The following DYM variants were observed in gnomAD, a reference collection of about 807,000 sequenced individuals.
DYM encodes the protein dyggve-Melchior-Clausen syndrome protein.
DYM carries 78 observed loss-of-function variants against 93.1 expected under a neutral mutation model. The observed-to-expected ratio is 0.84, with a 90% CI of 0.70 to 1.01. The LOEUF (loss-of-function observed/expected upper bound fraction) is 1.01, where lower values mean the gene tolerates loss of function less well. Among genes scored for constraint, DYM ranks in the 50% least tolerant of loss-of-function variants. The pLI is 0.00. For synonymous variants in DYM, 321 were observed against 319.7 expected (o/e 1.00, Z -0.04); for missense variants, 789 against 845.0 (o/e 0.93, Z 0.82).
At chr18:49,145,175 A>G (rs2084986034) in intron 15 of DYM, among the ~76,000 whole-genome samples, 1 of 137,604 alleles carries the variant, frequency 7.3e-6, no homozygotes, top group Non-Finnish European at 1.6e-5. Context: ...CCCCAATGGG[A>G]AAACAAAATT....
At chr18:49,267,485 A>C (rs75101885) in intron 11 of DYM, among the ~76,000 whole-genome samples, 1,529 of 152,340 alleles carry the variant, frequency 0.01, 40 homozygotes, top group South Asian at 0.075. Context: ...CAGAATAAAA[A>C]ATTCTTACAT....
chr18:49,130,434 C>G (rs530962888), intron 15 of DYM, among the ~76,000 whole-genome samples: 29 of 152,194 alleles, frequency 1.9e-4, no homozygotes, highest in Non-Finnish European at 3.5e-4. Context: ...AGCACAATGT[C>G]CGGCATTCAG....
intron 11 of DYM, among the ~76,000 whole-genome samples, chr18:49,270,301 T>C (rs1327345958): frequency 6.6e-6 from 1 of 152,196 alleles, no homozygotes; most frequent in African/African-American, 2.4e-5. Flanking sequence ...TAGGTAAACC[T>C]AGAGGAGATT....
rs551817418 is a variant in DYM, at chr18:49,081,105, G to A, written c.2025+16297C>T. Among the ~76,000 whole-genome samples, 194 of 151,090 alleles carry A rather than the reference G, an allele frequency of 1.3e-3. 1 individual carries two copies. The highest frequency in any genetic ancestry group is 4.4e-3 in the African/African-American group (181 of 41,168). Reference sequence around the variant, plus strand: ...CTCCTCACTTCCCAGACGGGGTGGCGGCCGGGCAGAGGCTGCAATCTCGGC... The same window carrying A: ...CTCCTCACTTCCCAGACGGGGTGGCAGCCGGGCAGAGGCTGCAATCTCGGC... On this transcript the variant is annotated intron_variant, in intron 17 of 17. Coordinates refer to ENST00000675505, the MANE Select transcript of DYM (RefSeq NM_001353214.3).
chr18:49,306,218 A>C (rs898719131), intron 8 of DYM, among the ~76,000 whole-genome samples: 4 of 152,354 alleles, frequency 2.6e-5, no homozygotes, highest in Middle Eastern at 3.4e-3. Flanking sequence ...AGAAAGGTGA[A>C]TAGCAGAGAC....
chr18:49,111,366 C>G (rs1432696953), intron 16 of DYM, among the ~76,000 whole-genome samples: 2 of 152,178 alleles, frequency 1.3e-5, no homozygotes, highest in Non-Finnish European at 2.9e-5. Context: ...GTTCCAACAT[C>G]TGAGTCATCA....
Position 49,081,073 on chromosome 18 carries a change from A to G in DYM, c.2025+16329T>C, listed in dbSNP as rs1012412372. ...CGTCCCAGACGATGGGCGGCCAGGC[A>G]GAGACGCTCCTCACTTCCCAGACGG... On this transcript the variant is annotated intron_variant, in intron 17 of 17. Transcript: ENST00000675505. 7.3e-5 allele frequency among the ~76,000 whole-genome samples: 11 copies of G among 150,968 alleles called. No individual in the cohort carries two copies. The South Asian group carries it at 1.9e-3, about 26-fold the overall frequency.
chr18:49,255,787 C>T (rs1054241339), intron 13 of DYM, among the ~76,000 whole-genome samples: 12 of 152,030 alleles, frequency 7.9e-5, no homozygotes, highest in African/African-American at 2.9e-4. Flanking sequence ...CAACACTGAA[C>T]ATCCTACAGG....
At chr18:49,339,208 AC>A (rs1236242711) in intron 6 of DYM, among the ~76,000 whole-genome samples, 1 of 152,238 alleles carries the variant, frequency 6.6e-6, no homozygotes, top group African/African-American at 2.4e-5. Flanking sequence ...GTTTTAGAGA[AC>A]CTATGTCCAT....
At chr18:49,453,619 A>G (rs139593471) in intron 1 of DYM, among the ~76,000 whole-genome samples, 1,658 of 152,348 alleles carry the variant, frequency 0.011, 30 homozygotes, top group African/African-American at 0.038. Context: ...CAATGAGACC[A>G]AGAACCCACC....
intron 8 of DYM, among the ~76,000 whole-genome samples, chr18:49,301,580 T>C (rs975600055): frequency 2.0e-5 from 3 of 149,554 alleles, no homozygotes; most frequent in Non-Finnish European, 4.4e-5. Context: ...GAAAGTTACA[T>C]GTAGTAAATG....
intron 13 of DYM, among the ~76,000 whole-genome samples, chr18:49,241,017 A>G (rs768444258): frequency 2.0e-5 from 3 of 152,236 alleles, no homozygotes; most frequent in Admixed American, 6.5e-5. Flanking sequence ...ATTTATGCTA[A>G]GGTCTCAGCA....
At chr18:49,318,289 G>T (rs1031540781) in intron 8 of DYM, among the ~76,000 whole-genome samples, 1 of 152,200 alleles carries the variant, frequency 6.6e-6, no homozygotes, top group African/African-American at 2.4e-5. Flanking sequence ...ACTGAGAGAA[G>T]ACAAGAATAG....
chr18:49,363,235 T>C lies in DYM; in HGVS notation c.422-2A>G, dbSNP rs1568319747. On this transcript the variant is annotated splice_acceptor_variant, in intron 5 of 17. Coordinates refer to ENST00000675505, the MANE Select transcript of DYM (RefSeq NM_001353214.3). LOFTEE classifies it high-confidence loss of function. ...CCAAAAGATCTTCTGAGTCAGAACCTGGTAAGACACATAAAAAGATTTTTT... is the reference window on the plus strand; with the variant it reads ...CCAAAAGATCTTCTGAGTCAGAACCCGGTAAGACACATAAAAAGATTTTTT... 6.2e-7 allele frequency: 1 copy of C among 1,611,880 alleles called. No individual in the cohort carries two copies.
intron 15 of DYM, among the ~76,000 whole-genome samples, chr18:49,152,710 T>C (rs1310941072): frequency 6.6e-6 from 1 of 152,160 alleles, no homozygotes; most frequent in East Asian, 1.9e-4. Context: ...AGCTAAGATA[T>C]GAAGACAACC....
At chr18:49,171,895 T>G (rs2088793433) in intron 14 of DYM, among the ~76,000 whole-genome samples, 1 of 152,176 alleles carries the variant, frequency 6.6e-6, no homozygotes, top group Non-Finnish European at 1.5e-5. Flanking sequence ...ACTCACAAAT[T>G]TTAAGTAGAC....
At chr18:49,322,930 A>G (rs2062599428) in intron 8 of DYM, among the ~76,000 whole-genome samples, 1 of 152,196 alleles carries the variant, frequency 6.6e-6, no homozygotes, top group Non-Finnish European at 1.5e-5. Flanking sequence ...AAAGGTTAAT[A>G]GCCCAAGAAC....
At chr18:49,260,926 C>G (rs2094479832) in intron 11 of DYM, among the ~76,000 whole-genome samples, 1 of 150,610 alleles carries the variant, frequency 6.6e-6, no homozygotes, top group African/African-American at 2.4e-5. Context: ...ACAGTAACAG[C>G]AGGACAAATC....
chr18:49,267,681 G>A (rs912293881), intron 11 of DYM, among the ~76,000 whole-genome samples: 1 of 152,158 alleles, frequency 6.6e-6, no homozygotes, highest in Admixed American at 6.5e-5. Context: ...ATCACTCGAG[G>A]TCAGGAGTTC....
Sources: allele counts gnomAD v4.1 joint callset (sites outside exome capture counted in the v4.1 genomes callset), GRCh38; gene constraint gnomAD v4.1.1; transcripts MANE v1.5; gene names NCBI Gene and HGNC (gene_info 2026-07-23, HGNC 2026-07-21).